The following KCNQ1 variants were observed in gnomAD, a reference collection of about 807,000 sequenced individuals.
KCNQ1 encodes the protein potassium voltage-gated channel subfamily Q member 1.
In KCNQ1, 49 loss-of-function variants were observed where a neutral mutation model predicts 72.4. The observed-to-expected ratio is 0.68, with a 90% CI of 0.54 to 0.86. The LOEUF (loss-of-function observed/expected upper bound fraction) is 0.86, where lower values mean the gene tolerates loss of function less well. Ranked by LOEUF, KCNQ1 falls within the 40% of genes least tolerant of loss-of-function variation. The probability of loss-of-function intolerance (pLI) is 0.00; values close to 1 mark genes in which losing one functional copy is unlikely to be tolerated. For synonymous variants in KCNQ1, 450 were observed against 412.6 expected, an observed-to-expected ratio of 1.09 and a Z score of -1.10; for missense variants, 790 against 945.1, an observed-to-expected ratio of 0.84 and a Z score of 2.15.
rs546589320 is a variant in KCNQ1, at chr11:2,550,757, C to G, written c.478-19871C>G. The stretch of plus-strand genomic sequence containing the variant: ...GGGCAGCACCAGGCTCAGCCCAGGA[C>G]CAGAGCGCAAATAGGGCTGGAGTCC... On this transcript the variant is annotated intron_variant, in intron 2 of 15. Transcript: ENST00000155840. This position sits in a 1 kb window ranked among gnomAD's most constrained non-coding sequence, Gnocchi z 6.0. 6.6e-6 allele frequency among the ~76,000 whole-genome samples: 1 copy of G among 152,216 alleles called. No individual in the cohort carries two copies. Among genetic ancestry groups the G allele is most frequent in the East Asian group, 1.9e-4 (1 of 5,172 alleles).
Position 2,494,137 on chromosome 11 carries a change from G to C in KCNQ1, c.387-33791G>C, listed in dbSNP as rs1194910492. Reference sequence around the variant, plus strand: ...ATGAATGGGGATTCACTCATGATTTGGCTCTCTGCTTGTCTATTTTTGGTG... The same window carrying C: ...ATGAATGGGGATTCACTCATGATTTCGCTCTCTGCTTGTCTATTTTTGGTG... On this transcript the variant is annotated intron_variant, in intron 1 of 15. Transcript: ENST00000155840. This position sits in a 1 kb window ranked among gnomAD's most constrained non-coding sequence, Gnocchi z 4.6. 6.6e-6 allele frequency among the ~76,000 whole-genome samples: 1 copy of C among 151,990 alleles called. No homozygotes were observed. Among genetic ancestry groups the C allele is most frequent in the African/African-American group, 2.4e-5 (1 of 41,380 alleles).
chr11:2,775,885 T>C, intron 12 of KCNQ1, 75 bp from the exon 13 acceptor site: 1 of 1,434,688 alleles, frequency 7.0e-7, no homozygotes, highest in Middle Eastern at 1.7e-4. Context: ...GGGCAGACAC[T>C]GTCACTGCCT....
Position 2,824,717 on chromosome 11 carries a change from ACAGT to A in KCNQ1, c.1795-23046_1795-23043del, listed in dbSNP as rs1340415812. ...AGCAGCTGGGGGTGGCGGGAAGAAG[ACAGT>A]CAGGAGCTTGGGCATCCTAGAGGCC... On this transcript the variant is annotated intron_variant, in intron 15 of 15. Coordinates refer to ENST00000155840, the MANE Select transcript of KCNQ1 (RefSeq NM_000218.3). This position sits in a 1 kb window ranked among gnomAD's most constrained non-coding sequence, Gnocchi z 5.9. 5.3e-5 allele frequency among the ~76,000 whole-genome samples: 8 copies of A among 152,098 alleles called. No individual in the cohort carries two copies.
At chr11:2,733,856 T>TCTCC (rs1554914285) in intron 11 of KCNQ1, among the ~76,000 whole-genome samples, 4 of 22,248 alleles carry the variant, frequency 1.8e-4, no homozygotes, top group South Asian at 1.9e-3. Context: ...TCTCTCTCTC[T>TCTCC]CCCCCCCCAC....
rs1846206165 is a variant in KCNQ1 at position 2,750,230 on chromosome 11, G to A, written c.1515-18614G>A. Among the ~76,000 whole-genome samples the A allele has an allele frequency of 6.6e-6, 1 of 152,206 alleles. No homozygotes were observed. The highest frequency in any genetic ancestry group is 1.5e-5 in the Non-Finnish European group (1 of 68,036). On this transcript the variant is annotated intron_variant, in intron 11 of 15. Coordinates refer to ENST00000155840, the MANE Select transcript of KCNQ1 (RefSeq NM_000218.3). The surrounding 1 kb of genome is among the most constrained non-coding windows in gnomAD (Gnocchi z 6.3). ...AGTTGAGGAATGACATGTATTCCAGGGAAGAATTGGGCCGGAGGCTGAAAC... is the reference window on the plus strand; with the variant it reads ...AGTTGAGGAATGACATGTATTCCAGAGAAGAATTGGGCCGGAGGCTGAAAC...
chr11:2,719,716 C>T (rs1851171410), intron 11 of KCNQ1, among the ~76,000 whole-genome samples: 1 of 152,166 alleles, frequency 6.6e-6, no homozygotes, highest in African/African-American at 2.4e-5. Context: ...GCCCTCGGAT[C>T]ATTTGGGGAA....
intron 10 of KCNQ1, chr11:2,639,436 G>T (rs1247806922): frequency 2.0e-5 from 3 of 152,194 alleles, no homozygotes; most frequent in African/African-American, 7.2e-5. Flanking sequence ...TAACAGTCAG[G>T]ACCCTCAGCT....
chr11:2,505,367 G>T (rs1482153023), intron 1 of KCNQ1, among the ~76,000 whole-genome samples: 2 of 152,204 alleles, frequency 1.3e-5, no homozygotes, highest in African/African-American at 4.8e-5. Context: ...GCATCTTTTT[G>T]AGTACTTTGA....
In KCNQ1 at chr11:2,695,957, C is replaced by A; in HGVS notation, c.1514+33876C>A. On this transcript the variant is annotated intron_variant, in intron 11 of 15. Coordinates refer to ENST00000155840, the MANE Select transcript of KCNQ1 (RefSeq NM_000218.3). This position sits in a 1 kb window ranked among gnomAD's most constrained non-coding sequence, Gnocchi z 5.2. ...ATTTTAGCTGTTGTTCCCTCCTCAG[C>A]TTTAATTGTTTCAAATATCTTGTAA... 1 of 398,562 alleles carries A rather than the reference C, an allele frequency of 2.5e-6. No individual in the cohort carries two copies. The highest frequency in any genetic ancestry group is 4.4e-6 in the Non-Finnish European group (1 of 226,042). 24.7% of individuals were successfully genotyped at this position (398,562 alleles called of 1,614,324 possible).
Position 2,532,912 on chromosome 11 carries a change from T to TAAA in KCNQ1, c.477+4894_477+4895insAAA, listed in dbSNP as rs565689479. On this transcript the variant is annotated intron_variant, in intron 2 of 15. Transcript: ENST00000155840. The stretch of plus-strand genomic sequence containing the variant: ...TTCGGGGAGGTACGAGAAGCAAAGG[T>TAAA]GTTTGCAGCCCTTGGGGCCAGGCGG... Among the ~76,000 whole-genome samples the TAAA allele has an allele frequency of 1.8e-3, 268 of 151,906 alleles. 1 individual carries two copies. Among genetic ancestry groups the TAAA allele is most frequent in the African/African-American group, 6.3e-3 (260 of 41,422 alleles).
intron 11 of KCNQ1, chr11:2,667,110 C>T (rs547811942): frequency 1.8e-5 from 7 of 398,528 alleles, no homozygotes; most frequent in African/African-American, 2.1e-5. Context: ...AAAACCGAGG[C>T]GTAATGGCTC....
At position 2,553,172 on chromosome 11, in the gene KCNQ1, T is replaced by TG. The variant is rs1363825020; in HGVS notation, c.478-17456_478-17455insG. On this transcript the variant is annotated intron_variant, in intron 2 of 15. Coordinates refer to ENST00000155840, the MANE Select transcript of KCNQ1 (RefSeq NM_000218.3). ...TTTGGGGTTTTTTTTGTTTTTTTTT[T>TG]TTTTGTTTTTTTGTAGATTCTTTAG... 7.0e-3 allele frequency among the ~76,000 whole-genome samples: 1,004 copies of TG among 143,142 alleles called. 11 individuals carry two copies. The highest frequency in any genetic ancestry group is 0.026 in the African/African-American group (953 of 37,262). The allele number at this position is 143,142 out of a possible 152,430, so 93.9% of individuals were successfully genotyped here.
At position 2,766,961 on chromosome 11, in the gene KCNQ1, G is replaced by A. The variant is rs578128038; in HGVS notation, c.1515-1883G>A. On this transcript the variant is annotated intron_variant, in intron 11 of 15. Transcript: ENST00000155840. The surrounding 1 kb of genome is among the most constrained non-coding windows in gnomAD (Gnocchi z 4.4). ...TTGGAGGCCAAGGCGGACAGATCATGAGGTCAAGAGATCAACACCATCCTA... is the reference window on the plus strand; with the variant it reads ...TTGGAGGCCAAGGCGGACAGATCATAAGGTCAAGAGATCAACACCATCCTA... Among the ~76,000 whole-genome samples, 38 of 151,410 alleles carry A rather than the reference G, an allele frequency of 2.5e-4. No individual in the cohort carries two copies. The South Asian group carries it at 7.1e-3, about 28-fold the overall frequency.
At chr11:2,844,272 G>T (rs541670094) in intron 15 of KCNQ1, among the ~76,000 whole-genome samples, 1 of 152,218 alleles carries the variant, frequency 6.6e-6, no homozygotes, top group Non-Finnish European at 1.5e-5. Context: ...TCCCACAAGG[G>T]GGGCAGCAGC....
At position 2,600,614 on chromosome 11, in the gene KCNQ1, T is replaced by C. The variant is rs1265423016; in HGVS notation, c.1393+11760T>C. ...GTAATACAGTTATTGACTTCTGCAA[T>C]TAAACATCAATATAATACTTGGACC... On this transcript the variant is annotated intron_variant, in intron 10 of 15. Transcript: ENST00000155840. The surrounding 1 kb of genome is among the most constrained non-coding windows in gnomAD (Gnocchi z 5.6). Among the ~76,000 whole-genome samples, 2 of 152,248 alleles carry C rather than the reference T, an allele frequency of 1.3e-5. No homozygotes were observed. The highest frequency in any genetic ancestry group is 4.8e-5 in the African/African-American group (2 of 41,470).
At chr11:2,696,608 A>C (rs1850680842) in intron 11 of KCNQ1, 1 of 398,572 alleles carries the variant, frequency 2.5e-6, no homozygotes, top group Non-Finnish European at 4.4e-6. Context: ...CTCCAACTGG[A>C]AGTTTGAGTG....
chr11:2,632,878 A>G (rs1177263615), intron 10 of KCNQ1: 1 of 398,390 alleles, frequency 2.5e-6, no homozygotes, highest in Admixed American at 4.4e-5. Context: ...TGCAATAAAC[A>G]TGAGAATGCA....
chr11:2,560,637 A>C (rs926328997), intron 2 of KCNQ1, among the ~76,000 whole-genome samples: 1 of 151,850 alleles, frequency 6.6e-6, no homozygotes, highest in Non-Finnish European at 1.5e-5. Flanking sequence ...CGGGCCCCTC[A>C]GCCTCCCCTT....
At chr11:2,681,151 A>G in intron 11 of KCNQ1, 1 of 398,626 alleles carries the variant, frequency 2.5e-6, no homozygotes, top group Non-Finnish European at 4.4e-6. Context: ...TTACATAGCA[A>G]TTCTACTTCT....
Sources: allele counts gnomAD v4.1 joint callset (sites outside exome capture counted in the v4.1 genomes callset), GRCh38; gene constraint gnomAD v4.1.1; non-coding constraint Gnocchi (gnomAD v3.1); transcripts MANE v1.5; gene names NCBI Gene and HGNC (gene_info 2026-07-23, HGNC 2026-07-21).